AP2A2: variants seen among roughly 807,000 people sequenced by gnomAD.
The protein encoded by AP2A2 is adaptor related protein complex 2 subunit alpha 2, also known as AP-2 complex subunit alpha-2.
Under a neutral mutation model 104.2 loss-of-function variants are expected in AP2A2, and 32 were observed. The ratio of observed to expected loss-of-function variants is 0.31; its 90% CI spans 0.23 to 0.41. The LOEUF (loss-of-function observed/expected upper bound fraction) is 0.41. Ranked by LOEUF, AP2A2 falls within the 10% of genes least tolerant of loss-of-function variation. The pLI is 1.00. For missense variants in AP2A2, 912 were observed against 1,261.0 expected, an observed-to-expected ratio of 0.72 and a Z score of 4.19; for synonymous variants, 539 against 533.3, an observed-to-expected ratio of 1.01 and a Z score of -0.15.
chr11:999,808 T>C lies in AP2A2; in HGVS notation c.1957-624T>C, dbSNP rs1202663797. Among the ~76,000 whole-genome samples the C allele has an allele frequency of 4.0e-5, 6 of 148,218 alleles. No homozygotes were observed. The East Asian group carries it at 5.8e-4, about 14-fold the overall frequency. ...ATGCATGATCTTAGTTCTTTCTTTT[T>C]TTTTTTTTTTTTTGAGATGGAGTCT... is the stretch of plus-strand genomic sequence containing the variant. On this transcript the variant is annotated intron_variant, in intron 14 of 21. Transcript: ENST00000448903.
At chr11:930,487 A>C (rs1205575686) in intron 1 of AP2A2, among the ~76,000 whole-genome samples, 1 of 152,116 alleles carries the variant, frequency 6.6e-6, no homozygotes, top group Non-Finnish European at 1.5e-5. Flanking sequence ...ATTGGCATTA[A>C]AAAAATTCTA....
chr11:944,647 A>G (rs1853773056), intron 1 of AP2A2, among the ~76,000 whole-genome samples: 1 of 152,146 alleles, frequency 6.6e-6, no homozygotes, highest in Admixed American at 6.6e-5. Context: ...TAGGTGTTCA[A>G]TTTTAAGTAG....
At chr11:988,386 G>C (rs1855533603) in intron 9 of AP2A2, among the ~76,000 whole-genome samples, 166 bp from the exon 10 acceptor site, 1 of 152,234 alleles carries the variant, frequency 6.6e-6, no homozygotes, top group Non-Finnish European at 1.5e-5. Context: ...ATTCCGGGCT[G>C]TCCAGACACA....
intron 14 of AP2A2, among the ~76,000 whole-genome samples, chr11:999,618 C>T (rs954110901): frequency 6.6e-6 from 1 of 152,138 alleles, no homozygotes; most frequent in African/African-American, 2.4e-5. Context: ...TGTGGGGCAC[C>T]ATGCCCAGCC....
intron 5 of AP2A2, among the ~76,000 whole-genome samples, chr11:979,492 G>A (rs960249662): frequency 6.6e-6 from 1 of 152,136 alleles, no homozygotes; most frequent in African/African-American, 2.4e-5. Flanking sequence ...CCGTGCTATA[G>A]TAGGTGCACC....
intron 1 of AP2A2, among the ~76,000 whole-genome samples, chr11:949,053 G>C (rs1176323068): frequency 1.3e-5 from 2 of 152,022 alleles, no homozygotes; most frequent in African/African-American, 4.8e-5. Flanking sequence ...ACTTTGGGAG[G>C]CTGAGGTGGG....
At chr11:965,735 C>G (rs1166937235) in intron 2 of AP2A2, among the ~76,000 whole-genome samples, 1 of 152,234 alleles carries the variant, frequency 6.6e-6, no homozygotes, top group African/African-American at 2.4e-5. Flanking sequence ...ACCTGCCATG[C>G]TAGTGGGAGC....
intron 1 of AP2A2, among the ~76,000 whole-genome samples, chr11:958,909 C>T (rs564318644): frequency 6.6e-6 from 1 of 152,190 alleles, no homozygotes; most frequent in African/African-American, 2.4e-5. Flanking sequence ...TTGAAGGATG[C>T]GTGTTGCAGA....
At chr11:953,891 A>G (rs1362546587) in intron 1 of AP2A2, among the ~76,000 whole-genome samples, 3 of 150,014 alleles carry the variant, frequency 2.0e-5, no homozygotes, top group Non-Finnish European at 4.4e-5. Context: ...CTGTAGTGCA[A>G]TGGCGCGATC....
At position 993,784 on chromosome 11, in the gene AP2A2, C is replaced by T. The variant is rs1411908506; in HGVS notation, c.1581C>T (p.Ser527=). Reference sequence around the variant, plus strand: ...TGATCCAGTTCCACCTGCTGCACTCCAAGTTCCACCTGTGCAGCGTCCCCA... The same window carrying T: ...TGATCCAGTTCCACCTGCTGCACTCTAAGTTCCACCTGTGCAGCGTCCCCA... ...SPLIQFHLLH[S]KFHLCSVPTR... The change falls in exon 13 of 22, where the codon TCC becomes TCT. Residue 527 remains serine, a synonymous_variant. Coordinates refer to ENST00000448903, the MANE Select transcript of AP2A2 (RefSeq NM_012305.4). The surrounding 1 kb of genome is among the most constrained non-coding windows in gnomAD (Gnocchi z 8.2). 5.6e-6 allele frequency: 9 copies of T among 1,605,258 alleles called. No homozygotes were observed. The Admixed American group carries it at 1.0e-4, about 18-fold the overall frequency.
At position 1,003,879 on chromosome 11, in the gene AP2A2, A is replaced by G. The variant is rs566968726; in HGVS notation, c.2206+75A>G. 2.1e-3 allele frequency: 2,099 copies of G among 999,458 alleles called. 3 individuals are homozygous for G. The highest frequency in any genetic ancestry group is 3.2e-3 in the Admixed American group (127 of 40,070). The allele number at this position is 999,458 out of a possible 1,614,324, so 61.9% of individuals were successfully genotyped here. On this transcript the variant is annotated intron_variant, in intron 16 of 21. Transcript: ENST00000448903. ...TTAAGAGAAAATATTTGCAAATCAT[A>G]TACTTATAAGGGATAGATATCCAGA...
In AP2A2 at chr11:1,009,777, T is replaced by A; in HGVS notation, c.2702T>A (p.Ile901Asn). ...AGIIHTKTTQ[I>N]GCLLRLEPNL... is the part of the protein sequence containing the mutation. ...ATCATCCACACGAAAACCACCCAGA[T>A]TGGATGCCTGCTGCGCTTGGAGCCG... The change falls in exon 21 of 22, where the codon ATT becomes AAT. Residue 901 changes from isoleucine (I) to asparagine (N), a missense_variant. Around this residue, in one of 7 missense-constraint regions of AP2A2, gnomAD observed 239 missense variants for 329.8 expected, o/e 0.72. Transcript: ENST00000448903. The A allele has an allele frequency of 6.4e-7, 1 of 1,550,732 alleles. No individual in the cohort carries two copies. Among genetic ancestry groups the A allele is most frequent in the Non-Finnish European group, 8.7e-7 (1 of 1,146,244 alleles).
intron 18 of AP2A2, 152 bp downstream of exon 18, chr11:1,008,287 C>T (rs1716823937): frequency 2.5e-6 from 3 of 1,191,886 alleles, no homozygotes; most frequent in Non-Finnish European, 2.2e-6. Context: ...CTATTGCTGC[C>T]CCCGGCTCTG....
intron 17 of AP2A2, 48 bp downstream of exon 17, chr11:1,006,665 G>A: frequency 7.1e-7 from 1 of 1,413,008 alleles, no homozygotes; most frequent in South Asian, 1.2e-5. Context: ...ATAATGTGGG[G>A]CTTAGAGGAG....
chr11:978,504 A>C (rs1306963835), intron 5 of AP2A2, among the ~76,000 whole-genome samples: 1 of 152,038 alleles, frequency 6.6e-6, no homozygotes, highest in East Asian at 1.9e-4. Flanking sequence ...GCTTTATTTC[A>C]CCAGGCACTT....
intron 1 of AP2A2, among the ~76,000 whole-genome samples, chr11:931,132 C>G (rs1853278908): frequency 6.6e-6 from 1 of 152,080 alleles, no homozygotes; most frequent in African/African-American, 2.4e-5. Flanking sequence ...CATATGTGAT[C>G]TTTTGAGATT....
Position 992,708 on chromosome 11 carries a change from A to G in AP2A2, c.1452+23A>G. 1 of 1,613,246 alleles carries G rather than the reference A, an allele frequency of 6.2e-7. No homozygotes were observed. The highest frequency in any genetic ancestry group is 8.5e-7 in the Non-Finnish European group (1 of 1,179,642). On this transcript the variant is annotated intron_variant, in intron 11 of 21. Transcript: ENST00000448903. The surrounding 1 kb of genome is among the most constrained non-coding windows in gnomAD (Gnocchi z 6.4). Reference sequence around the variant, plus strand: ...GAGGTATGGCCCGCAGGATGGCAGGAAGGATGGGGTGGAGGGCAGTTGCAG... The same window carrying G: ...GAGGTATGGCCCGCAGGATGGCAGGGAGGATGGGGTGGAGGGCAGTTGCAG...
intron 2 of AP2A2, among the ~76,000 whole-genome samples, chr11:966,464 C>T (rs1019382155): frequency 6.6e-5 from 10 of 152,242 alleles, no homozygotes; most frequent in Non-Finnish European, 1.5e-4. Flanking sequence ...TGCCACTGCA[C>T]TCCAGTCTGG....
At chr11:940,038 C>T (rs1177787408) in intron 1 of AP2A2, among the ~76,000 whole-genome samples, 1 of 147,966 alleles carries the variant, frequency 6.8e-6, no homozygotes, top group East Asian at 2.0e-4. Flanking sequence ...TCACTGTAAC[C>T]TCTTCTGCCG....
Sources: gnomAD v4.1 joint callset for allele counts (sites outside exome capture counted in the v4.1 genomes callset) on GRCh38, gnomAD v4.1.1 for gene constraint, gnomAD v4.1.1 regional missense constraint, Gnocchi (gnomAD v3.1) non-coding constraint, MANE v1.5 for transcripts, NCBI Gene and HGNC (gene_info 2026-07-23, HGNC 2026-07-21) for gene names.